SYTL2: variants seen among roughly 807,000 people sequenced by gnomAD.
SYTL2 encodes the protein synaptotagmin like 2, also known as synaptotagmin-like protein 2.
A neutral mutation model predicts 198.7 loss-of-function variants in SYTL2; 165 were observed. That is an observed-to-expected ratio of 0.83 (90% CI 0.73 to 0.94). SYTL2 has a LOEUF of 0.94. Among genes scored for constraint, SYTL2 ranks in the 40% least tolerant of loss-of-function variants. The pLI is 0.00. For missense variants in SYTL2, 2,835 were observed against 2,582.8 expected, an observed-to-expected ratio of 1.10 and a Z score of -2.12; for synonymous variants, 966 against 917.7, an observed-to-expected ratio of 1.05 and a Z score of -0.95.
chr11:85,772,760 C>G (rs780150507), intron 1 of SYTL2, among the ~76,000 whole-genome samples: 1 of 152,144 alleles, frequency 6.6e-6, no homozygotes, highest in African/African-American at 2.4e-5. Context: ...GGATAAAAAC[C>G]CTAATGAGCA....
the SYTL2 span, among the ~76,000 whole-genome samples, chr11:85,837,432 A>G: frequency 6.6e-6 from 1 of 152,164 alleles, no homozygotes; most frequent in Non-Finnish European, 1.5e-5. Flanking sequence ...AGCCCTCCCC[A>G]AGTCAGGAAG....
the SYTL2 span, chr11:85,853,366 A>G: frequency 6.8e-6 from 3 of 441,880 alleles, no homozygotes; most frequent in East Asian, 7.7e-5. Context: ...CTTGCCCCCA[A>G]CCCGGTGCTC....
In SYTL2 at chr11:85,700,595, T is replaced by C. The variant is rs748402845; in HGVS notation, c.6190-2A>G. On this transcript the variant is annotated splice_acceptor_variant, in intron 16 of 19. Transcript: ENST00000359152. LOFTEE classifies it high-confidence loss of function. ...TGCTTCAAGGGCAACTGGTGCTGTC[T>C]GAAAAGTGAAGAAATGTCAGCAGGT... 3 of 1,613,542 alleles carry C rather than the reference T, an allele frequency of 1.9e-6. No homozygotes were observed.
the SYTL2 span, among the ~76,000 whole-genome samples, chr11:85,851,763 T>C: frequency 6.6e-6 from 1 of 152,234 alleles, no homozygotes; most frequent in African/African-American, 2.4e-5. Flanking sequence ...GGGAATCAAT[T>C]CAAAGTGCTG....
intron 7 of SYTL2, among the ~76,000 whole-genome samples, chr11:85,732,057 C>T (rs535250958): frequency 6.6e-6 from 1 of 152,276 alleles, no homozygotes; most frequent in East Asian, 1.9e-4. Context: ...CATCTCACTC[C>T]AGTTAGAATG....
At chr11:85,763,790 CA>C (rs1381359813) in intron 1 of SYTL2, among the ~76,000 whole-genome samples, 18 of 152,026 alleles carry the variant, frequency 1.2e-4, no homozygotes, top group African/African-American at 4.1e-4. Context: ...CCCTGATCAA[CA>C]AGAAGGCTCA....
chr11:85,761,500 G>A (rs2092095695), intron 1 of SYTL2, among the ~76,000 whole-genome samples: 1 of 152,182 alleles, frequency 6.6e-6, no homozygotes, highest in African/African-American at 2.4e-5. Flanking sequence ...GGGTAAGACT[G>A]TATTAGGCCT....
chr11:85,724,253 C>T lies in SYTL2; in HGVS notation c.5105G>A (p.Gly1702Asp). Reference sequence around the variant, plus strand: ...AATTGCTTCAGAAGCCTCTCCAAAGCCAGGTTCCTGAAGAGTCCCTTGTCC... The same window carrying T: ...AATTGCTTCAGAAGCCTCTCCAAAGTCAGGTTCCTGAAGAGTCCCTTGTCC... Reference protein sequence around the residue: ...AGGQGTLQEPGFGEASEAISV... With the variant: ...AGGQGTLQEPDFGEASEAISV... Residue 1702 changes from glycine (G) to aspartate (D), a missense_variant, in exon 8 of 20, where the codon GGC becomes GAC. Gly to Asp is a moderately conservative substitution (Grantham distance 94). This residue lies in a region of SYTL2 where 2,645 missense variants were observed against 2,381.7 expected (regional missense o/e 1.11). Transcript: ENST00000359152. The T allele has an allele frequency of 6.4e-7, 1 of 1,567,502 alleles. No individual in the cohort carries two copies. The highest frequency in any genetic ancestry group is 8.6e-7 in the Non-Finnish European group (1 of 1,163,030).
chr11:85,846,218 TCC>T, the SYTL2 span, among the ~76,000 whole-genome samples: 13 of 152,298 alleles, frequency 8.5e-5, no homozygotes, highest in African/African-American at 3.1e-4. Context: ...GCAGCTGGCT[TCC>T]TCTAGAGCAA....
At chr11:85,708,476 G>GA (rs1416157475) in intron 14 of SYTL2, among the ~76,000 whole-genome samples, 7 of 151,568 alleles carry the variant, frequency 4.6e-5, no homozygotes, top group East Asian at 1.9e-4. Context: ...TGCAAAAAAA[G>GA]AAAAAAAACT....
the SYTL2 span, among the ~76,000 whole-genome samples, chr11:85,834,655 G>A: frequency 6.6e-6 from 1 of 152,142 alleles, no homozygotes; most frequent in East Asian, 1.9e-4. Context: ...TTTATATTCT[G>A]TGATTTTGCC....
At chr11:85,728,220 T>G (rs2089437668) in intron 7 of SYTL2, among the ~76,000 whole-genome samples, 1 of 152,118 alleles carries the variant, frequency 6.6e-6, no homozygotes, top group Non-Finnish European at 1.5e-5. Flanking sequence ...ACCGAAAAAT[T>G]TCTTTGTAGT....
intron 1 of SYTL2, among the ~76,000 whole-genome samples, chr11:85,794,005 C>T (rs2092768126): frequency 6.6e-6 from 1 of 152,120 alleles, no homozygotes; most frequent in Admixed American, 6.5e-5. Context: ...TCCCTCAATC[C>T]CCATCCTCCA....
rs80214594 is a variant in SYTL2 at position 85,760,516 on chromosome 11, C to T, written c.-389-2402G>A. Among the ~76,000 whole-genome samples, 648 of 152,276 alleles carry T rather than the reference C, an allele frequency of 4.3e-3. 6 individuals are homozygous for T. The highest frequency in any genetic ancestry group is 0.015 in the African/African-American group (619 of 41,568). On this transcript the variant is annotated intron_variant, in intron 1 of 19. Transcript: ENST00000359152. Reference sequence around the variant, plus strand: ...TATCTCAATTATTTCCTTTCTTTCACGTGCAGTAACTTCCTTAGATCTCAA... The same window carrying T: ...TATCTCAATTATTTCCTTTCTTTCATGTGCAGTAACTTCCTTAGATCTCAA...
chr11:85,787,659 T>C (rs1226051602), intron 1 of SYTL2, among the ~76,000 whole-genome samples: 2 of 151,170 alleles, frequency 1.3e-5, no homozygotes, highest in African/African-American at 4.9e-5. Flanking sequence ...CTTGGTCTCC[T>C]CCCCAATGGT....
At chr11:85,801,971 T>C (rs1211554991) in intron 1 of SYTL2, among the ~76,000 whole-genome samples, 5 of 150,746 alleles carry the variant, frequency 3.3e-5, no homozygotes, top group Non-Finnish European at 5.9e-5. Context: ...CCCACCACCA[T>C]GCCCGGCTAA....
the SYTL2 span, among the ~76,000 whole-genome samples, chr11:85,846,944 G>A: frequency 1.3e-5 from 2 of 152,206 alleles, no homozygotes; most frequent in East Asian, 3.9e-4. Flanking sequence ...ATGTTGGTCA[G>A]GCTGGTCTCA....
intron 1 of SYTL2, among the ~76,000 whole-genome samples, chr11:85,761,131 A>C (rs1414900273): frequency 6.6e-6 from 1 of 152,260 alleles, no homozygotes; most frequent in Non-Finnish European, 1.5e-5. Context: ...TGTGGAGTTC[A>C]TATGGCAATG....
At chr11:85,838,819 T>C in the SYTL2 span, among the ~76,000 whole-genome samples, 12 of 152,172 alleles carry the variant, frequency 7.9e-5, no homozygotes, top group African/African-American at 2.9e-4. Context: ...TCCACATATA[T>C]AATAGTCATA....
Sources: allele counts gnomAD v4.1 joint callset (sites outside exome capture counted in the v4.1 genomes callset), GRCh38; gene constraint gnomAD v4.1.1; regional missense constraint gnomAD v4.1.1; transcripts MANE v1.5; gene names NCBI Gene and HGNC (gene_info 2026-07-23, HGNC 2026-07-21).